PSMD14: variants seen among roughly 807,000 people sequenced by gnomAD.
PSMD14 encodes proteasome 26S subunit, non-ATPase 14.
In PSMD14, 7 loss-of-function variants were observed where a neutral mutation model predicts 41.2. The observed-to-expected ratio is 0.17, with a 90% CI of 0.10 to 0.32. The LOEUF (loss-of-function observed/expected upper bound fraction) is 0.32. Ranked by LOEUF, PSMD14 falls within the 10% of genes least tolerant of loss-of-function variation. The probability of loss-of-function intolerance (pLI) is 1.00; values close to 1 mark genes in which losing one functional copy is unlikely to be tolerated. For synonymous variants in PSMD14, 114 were observed against 122.3 expected (o/e 0.93, Z 0.45); for missense variants, 139 against 375.6 (o/e 0.37, Z 5.21).
chr2:161,401,546 A>G (rs1005795751), intron 10 of PSMD14, among the ~76,000 whole-genome samples: 17 of 152,234 alleles, frequency 1.1e-4, no homozygotes, highest in South Asian at 8.3e-4. Context: ...GAAGGGGAAG[A>G]TGGACATTAA....
intron 8 of PSMD14, among the ~76,000 whole-genome samples, chr2:161,390,137 A>C (rs1319745584): frequency 6.6e-6 from 1 of 151,572 alleles, no homozygotes; most frequent in Non-Finnish European, 1.5e-5. Flanking sequence ...TGCTCATTAA[A>C]TGTTCTCTTC....
intron 7 of PSMD14, chr2:161,384,705 C>A (rs1419977016): frequency 1.3e-5 from 2 of 151,866 alleles, no homozygotes; most frequent in South Asian, 2.1e-4. Flanking sequence ...TCTTGTTAAT[C>A]TCTTTATATG....
chr2:161,355,891 C>G (rs1295514356), intron 3 of PSMD14, among the ~76,000 whole-genome samples: 1 of 152,172 alleles, frequency 6.6e-6, no homozygotes, highest in Admixed American at 6.5e-5. Flanking sequence ...TATTTCTAAA[C>G]ACTATCTCCT....
chr2:161,322,050 C>T (rs1371257632), intron 3 of PSMD14, among the ~76,000 whole-genome samples: 2 of 152,124 alleles, frequency 1.3e-5, no homozygotes, highest in East Asian at 1.9e-4. Context: ...CCGTGTTGGT[C>T]TTTATGTTGA....
intron 3 of PSMD14, among the ~76,000 whole-genome samples, chr2:161,364,060 T>A (rs917755444): frequency 6.6e-6 from 1 of 152,082 alleles, no homozygotes; most frequent in African/African-American, 2.4e-5. Context: ...TTTTATTGAG[T>A]GAAAGTAGCT....
intron 10 of PSMD14, among the ~76,000 whole-genome samples, chr2:161,402,704 A>T (rs1243731880): frequency 1.3e-5 from 2 of 152,112 alleles, no homozygotes; most frequent in Non-Finnish European, 2.9e-5. Flanking sequence ...ACAGGAAAAA[A>T]AAAAAGAAAC....
intron 8 of PSMD14, among the ~76,000 whole-genome samples, chr2:161,389,581 A>G (rs1683679454): frequency 6.6e-6 from 1 of 152,134 alleles, no homozygotes; most frequent in Non-Finnish European, 1.5e-5. Flanking sequence ...TTCATAGCTC[A>G]CTTTTATAAC....
intron 1 of PSMD14, among the ~76,000 whole-genome samples, chr2:161,311,545 A>G (rs1689087644): frequency 6.6e-6 from 1 of 151,830 alleles, no homozygotes; most frequent in Non-Finnish European, 1.5e-5. Context: ...TCCTGGAACC[A>G]ATTCCCCACA....
chr2:161,396,665 G>C (rs1683801615), intron 10 of PSMD14, among the ~76,000 whole-genome samples: 1 of 152,014 alleles, frequency 6.6e-6, no homozygotes, highest in African/African-American at 2.4e-5. Context: ...AGGTGTTGGG[G>C]AGCAAAAAAG....
intron 3 of PSMD14, among the ~76,000 whole-genome samples, chr2:161,321,976 A>G (rs982047946): frequency 6.6e-6 from 1 of 152,192 alleles, no homozygotes; most frequent in Non-Finnish European, 1.5e-5. Flanking sequence ...GATCAAACTC[A>G]AAATTCAAAT....
At chr2:161,321,302 G>A (rs1682583567) in intron 3 of PSMD14, among the ~76,000 whole-genome samples, 1 of 152,180 alleles carries the variant, frequency 6.6e-6, no homozygotes, top group Non-Finnish European at 1.5e-5. Context: ...ATGATTGAGA[G>A]TTCCTTAAGG....
chr2:161,355,393 T>C (rs905479092), intron 3 of PSMD14, among the ~76,000 whole-genome samples: 2 of 152,168 alleles, frequency 1.3e-5, no homozygotes, highest in African/African-American at 4.8e-5. Flanking sequence ...GCAGTATATG[T>C]ATATTTTTAT....
chr2:161,371,436 T>C, intron 7 of PSMD14, 114 bp downstream of exon 7: 2 of 1,112,606 alleles, frequency 1.8e-6, no homozygotes, highest in Non-Finnish European at 2.4e-6. Flanking sequence ...AAAGCTGCTG[T>C]CTGTTTACTT....
intron 3 of PSMD14, among the ~76,000 whole-genome samples, chr2:161,366,041 A>G (rs1683352905): frequency 6.6e-6 from 1 of 152,136 alleles, no homozygotes; most frequent in South Asian, 2.1e-4. Context: ...AAATTATCAT[A>G]CCACTAAAAT....
intron 7 of PSMD14, among the ~76,000 whole-genome samples, chr2:161,378,573 G>A (rs1329251402): frequency 1.3e-5 from 2 of 151,846 alleles, no homozygotes; most frequent in African/African-American, 4.8e-5. Context: ...TTACAGAATG[G>A]ATATTCAGTG....
chr2:161,311,347 T>A, intron 1 of PSMD14, among the ~76,000 whole-genome samples: 1 of 152,108 alleles, frequency 6.6e-6, no homozygotes. Context: ...ATTGAACATG[T>A]ATAGACATTT....
chr2:161,311,992 C>T (rs1464631628), intron 1 of PSMD14, among the ~76,000 whole-genome samples: 1 of 152,068 alleles, frequency 6.6e-6, no homozygotes, highest in African/African-American at 2.4e-5. Context: ...TGTTGACTCA[C>T]TCACGATCTT....
intron 9 of PSMD14, among the ~76,000 whole-genome samples, chr2:161,393,397 A>G (rs1367887642): frequency 1.3e-5 from 2 of 152,132 alleles, no homozygotes; most frequent in Admixed American, 6.6e-5. Flanking sequence ...TTTTTGGCAT[A>G]CTGTCCTTAC....
intron 3 of PSMD14, among the ~76,000 whole-genome samples, chr2:161,358,851 GA>G (rs1209253785): frequency 3.3e-5 from 5 of 152,214 alleles, no homozygotes; most frequent in Non-Finnish European, 7.4e-5. Context: ...TGAGGCAAGA[GA>G]GTCACTTCAA....
Sources: allele counts gnomAD v4.1 joint callset (sites outside exome capture counted in the v4.1 genomes callset), GRCh38; gene constraint gnomAD v4.1.1; transcripts MANE v1.5; gene names NCBI Gene and HGNC (gene_info 2026-07-23, HGNC 2026-07-21).